The following IHO1 variants were observed in gnomAD, a reference collection of about 807,000 sequenced individuals.
The protein encoded by IHO1 is interactor of HORMAD1 protein 1.
In IHO1, 13 loss-of-function variants were observed where a neutral mutation model predicts 31.0. The observed-to-expected ratio is 0.42, with a 90% CI of 0.27 to 0.67. The LOEUF (loss-of-function observed/expected upper bound fraction) is 0.67. Ranked by LOEUF, IHO1 falls within the 30% of genes least tolerant of loss-of-function variation. The pLI is 0.24. For synonymous variants in IHO1, 221 were observed against 248.4 expected (o/e 0.89, Z 1.04); for missense variants, 599 against 687.5 (o/e 0.87, Z 1.44).
chr3:49,211,068 C>T (rs2046206684), intron 1 of IHO1, among the ~76,000 whole-genome samples: 3 of 140,664 alleles, frequency 2.1e-5, no homozygotes, highest in East Asian at 2.2e-4. Context: ...AGTGCAGTGG[C>T]GCGATCTCGG....
intron 2 of IHO1, among the ~76,000 whole-genome samples, chr3:49,218,926 G>A (rs144129452): frequency 6.6e-6 from 1 of 152,308 alleles, no homozygotes; most frequent in East Asian, 1.9e-4. Flanking sequence ...GGGAGGCTGA[G>A]TTGGGAGGAT....
Position 49,256,950 on chromosome 3 carries a change from C to A in IHO1, c.1453C>A (p.Pro485Thr), listed in dbSNP as rs183301943. ...GAGTCCTCAGCCTGCAATTTCTGTC[C>A]CTCAAAGCCCCTTCCTGGGGCAGCA... ...YQSPQPAISV[P>T]QSPFLGQQEP... Residue 485 changes from proline (P) to threonine (T), a missense_variant, in exon 8 of 8, where the codon CCT (proline) becomes ACT (threonine). Transcript: ENST00000452691. This position sits in a 1 kb window ranked among gnomAD's most constrained non-coding sequence, Gnocchi z 4.6. 112 of 1,614,200 alleles carry A rather than the reference C, an allele frequency of 6.9e-5. No individual in the cohort carries two copies. In the East Asian group the frequency reaches 2.4e-3, roughly 35 times the overall value.
At chr3:49,196,497 T>C (rs1252433430), upstream of IHO1, among the ~76,000 whole-genome samples, 13 of 146,364 alleles carry the variant, frequency 8.9e-5, no homozygotes, top group Admixed American at 1.4e-4. Context: ...TTTTTTCTTT[T>C]TTTGAGGTGA....
chr3:49,243,637 A>T (rs969276452), intron 4 of IHO1, among the ~76,000 whole-genome samples: 1 of 150,992 alleles, frequency 6.6e-6, no homozygotes, highest in African/African-American at 2.4e-5. Flanking sequence ...GGGAGCCTGT[A>T]GTCCCAGCTA....
chr3:49,210,275 C>T lies in IHO1; in HGVS notation c.-15-1491C>T, dbSNP rs190652019. 2.8e-3 allele frequency among the ~76,000 whole-genome samples: 424 copies of T among 151,212 alleles called. 3 individuals carry two copies. Among genetic ancestry groups the T allele is most frequent in the African/African-American group, 9.5e-3 (389 of 41,142 alleles). ...TTTTTGAGATTTTTTTTTTCTTCGTCGCCCAAGCTGGAGTATAGTGGCACA... is the reference window on the plus strand; with the variant it reads ...TTTTTGAGATTTTTTTTTTCTTCGTTGCCCAAGCTGGAGTATAGTGGCACA... On this transcript the variant is annotated intron_variant, in intron 1 of 7. Coordinates refer to ENST00000452691, the MANE Select transcript of IHO1 (RefSeq NM_001135197.2).
At chr3:49,191,606 A>T in the IHO1 span, 1 of 903,964 alleles carries the variant, frequency 1.1e-6, no homozygotes. Context: ...AAGATGGTGG[A>T]GAGGAAGTGG....
chr3:49,203,576 C>G (rs2046098029), intron 1 of IHO1, among the ~76,000 whole-genome samples: 1 of 152,096 alleles, frequency 6.6e-6, no homozygotes, highest in Non-Finnish European at 1.5e-5. Context: ...ATAATCCAGG[C>G]TGGTGGCAGT....
chr3:49,254,595 A>G (rs578110250), intron 6 of IHO1, among the ~76,000 whole-genome samples: 2 of 152,206 alleles, frequency 1.3e-5, no homozygotes, highest in South Asian at 2.1e-4. Flanking sequence ...AATGACAGGG[A>G]CAGAAACAGG....
At position 49,231,753 on chromosome 3, in the gene IHO1, T is replaced by A. The variant is rs149059018; in HGVS notation, c.57-4795T>A. Among the ~76,000 whole-genome samples, 890 of 152,358 alleles carry A rather than the reference T, an allele frequency of 5.8e-3. 9 individuals carry two copies. Among genetic ancestry groups the A allele is most frequent in the African/African-American group, 0.02 (848 of 41,584 alleles). ...GGAAATCAAATGGCTGATTGCCTAG[T>A]TGCTACTGCAATATCTAATGCCAAA... On this transcript the variant is annotated intron_variant, in intron 2 of 7. Coordinates refer to ENST00000452691, the MANE Select transcript of IHO1 (RefSeq NM_001135197.2).
At chr3:49,222,532 A>G (rs2046365756) in intron 2 of IHO1, among the ~76,000 whole-genome samples, 1 of 152,166 alleles carries the variant, frequency 6.6e-6, no homozygotes, top group Admixed American at 6.5e-5. Context: ...TGTGATTAGG[A>G]TTTGCATCCC....
chr3:49,255,100 C>T (rs1386697312), intron 6 of IHO1, among the ~76,000 whole-genome samples: 1 of 151,802 alleles, frequency 6.6e-6, no homozygotes, highest in Non-Finnish European at 1.5e-5. Context: ...ATGAAGGTTT[C>T]AGAGGGTGCA....
chr3:49,244,178 C>T (rs2046666847), intron 4 of IHO1, among the ~76,000 whole-genome samples: 1 of 152,040 alleles, frequency 6.6e-6, no homozygotes, highest in African/African-American at 2.4e-5. Flanking sequence ...TGGTCTTGAA[C>T]TCCTGACCTT....
At chr3:49,200,923 T>C (rs1387476411) in intron 1 of IHO1, among the ~76,000 whole-genome samples, 1 of 152,092 alleles carries the variant, frequency 6.6e-6, no homozygotes, top group African/African-American at 2.4e-5. Flanking sequence ...AAAAGAGAGA[T>C]GAACCTGAGT....
chr3:49,209,935 C>A (rs2046186711), intron 1 of IHO1, among the ~76,000 whole-genome samples: 1 of 151,608 alleles, frequency 6.6e-6, no homozygotes. Flanking sequence ...CCAGGATAGT[C>A]TCGATCTCCT....
chr3:49,210,110 C>G (rs1324470303), intron 1 of IHO1, among the ~76,000 whole-genome samples: 1 of 150,936 alleles, frequency 6.6e-6, no homozygotes, highest in African/African-American at 2.4e-5. Context: ...TTTACAGAAG[C>G]CTTGAATTCC....
intron 1 of IHO1, among the ~76,000 whole-genome samples, chr3:49,201,653 C>T (rs549686244): frequency 3.3e-5 from 5 of 151,400 alleles, no homozygotes; most frequent in Admixed American, 6.6e-5. Context: ...TGGTGGCTCA[C>T]GCCTGTAAAT....
At chr3:49,236,437 G>A (rs2107719052) in intron 2 of IHO1, 111 bp from the exon 3 acceptor site, 1 of 744,152 alleles carries the variant, frequency 1.3e-6, no homozygotes, top group East Asian at 2.7e-5. Context: ...TTGAAGGTCA[G>A]AACAAGCTAT....
intron 4 of IHO1, among the ~76,000 whole-genome samples, chr3:49,242,362 A>G (rs1397436624): frequency 6.6e-6 from 1 of 151,898 alleles, no homozygotes; most frequent in East Asian, 1.9e-4. Context: ...TCCTGGGCTC[A>G]AGCAGTCGTC....
rs776115121 is a variant in IHO1 at position 49,257,035 on chromosome 3, G to T, written c.1538G>T (p.Cys513Phe). 3.1e-6 allele frequency: 5 copies of T among 1,614,094 alleles called. No individual in the cohort carries two copies. The highest frequency in any genetic ancestry group is 1.3e-5 in the African/African-American group (1 of 74,948). Residue 513 changes from cysteine to phenylalanine, a missense_variant, in exon 8 of 8, where the codon TGC becomes TTC. Transcript: ENST00000452691. Reference sequence around the variant, plus strand: ...CCCAGGAGCCCCAGAAAACCAGTCTGCCCTATTCTGGGAGGAACAGTCATG... The same window carrying T: ...CCCAGGAGCCCCAGAAAACCAGTCTTCCCTATTCTGGGAGGAACAGTCATG... ...QCPRSPRKPV[C>F]PILGGTVMPN...
Sources: gnomAD v4.1 joint callset for allele counts (sites outside exome capture counted in the v4.1 genomes callset) on GRCh38, gnomAD v4.1.1 for gene constraint, Gnocchi (gnomAD v3.1) non-coding constraint, MANE v1.5 for transcripts, NCBI Gene and HGNC (gene_info 2026-07-23, HGNC 2026-07-21) for gene names.